HPSE2: variants seen among roughly 807,000 people sequenced by gnomAD.
The protein encoded by HPSE2 is heparanase 2 (inactive), also known as inactive heparanase-2.
Under a neutral mutation model 60.5 loss-of-function variants are expected in HPSE2, and 38 were observed. The ratio of observed to expected loss-of-function variants is 0.63; its 90% CI spans 0.48 to 0.82. HPSE2 has a LOEUF of 0.82. HPSE2 is among the 40% of genes least tolerant of loss of function. HPSE2 has a pLI of 0.00. For missense variants in HPSE2, 713 were observed against 740.4 expected (o/e 0.96, Z 0.43); for synonymous variants, 295 against 293.2 (o/e 1.01, Z -0.06).
chr10:98,659,345 A>G (rs1198775264), intron 6 of HPSE2, among the ~76,000 whole-genome samples: 1 of 151,888 alleles, frequency 6.6e-6, no homozygotes, highest in Non-Finnish European at 1.5e-5. Context: ...CATTTGGTTG[A>G]AAAAAAATCC....
At chr10:99,062,543 C>G (rs1164597454) in intron 3 of HPSE2, among the ~76,000 whole-genome samples, 1 of 151,926 alleles carries the variant, frequency 6.6e-6, no homozygotes, top group Admixed American at 6.6e-5. Context: ...CTTGCCATCT[C>G]TCTGTTATCT....
chr10:98,460,215 T>A (rs1383351745), intron 11 of HPSE2, among the ~76,000 whole-genome samples: 2 of 152,244 alleles, frequency 1.3e-5, no homozygotes, highest in Middle Eastern at 3.2e-3. Flanking sequence ...AGAAATCTAT[T>A]TAACTCATAT....
intron 3 of HPSE2, among the ~76,000 whole-genome samples, chr10:98,867,533 T>C (rs746887888): frequency 3.3e-5 from 5 of 152,136 alleles, no homozygotes; most frequent in Non-Finnish European, 5.9e-5. Flanking sequence ...AGGGAACTTG[T>C]ACACTATTGG....
At chr10:99,275,168 A>C in the HPSE2 span, among the ~76,000 whole-genome samples, 13 of 152,252 alleles carry the variant, frequency 8.5e-5, no homozygotes, top group Non-Finnish European at 1.8e-4. Context: ...ATCTGGGAAG[A>C]GAAAAAAGGT....
At chr10:98,483,859 G>A (rs1405513411) in intron 10 of HPSE2, among the ~76,000 whole-genome samples, 2 of 152,124 alleles carry the variant, frequency 1.3e-5, no homozygotes. Flanking sequence ...GGAGATTTGG[G>A]GGCTATTCAT....
At chr10:98,735,153 C>G (rs1274653307) in intron 4 of HPSE2, among the ~76,000 whole-genome samples, 1 of 151,400 alleles carries the variant, frequency 6.6e-6, no homozygotes, top group Non-Finnish European at 1.5e-5. Context: ...ATATCTCTAT[C>G]AGCAGCAAGA....
At chr10:98,488,614 C>T (rs1941528249) in intron 10 of HPSE2, among the ~76,000 whole-genome samples, 1 of 152,220 alleles carries the variant, frequency 6.6e-6, no homozygotes, top group Non-Finnish European at 1.5e-5. Flanking sequence ...AGACCACAGA[C>T]TGATATGCTT....
intron 5 of HPSE2, among the ~76,000 whole-genome samples, chr10:98,714,656 A>G (rs1179725417): frequency 3.9e-5 from 6 of 151,916 alleles, no homozygotes; most frequent in African/African-American, 1.4e-4. Context: ...GCTGCTATGA[A>G]TATTTGCGTA....
In HPSE2 at chr10:98,733,024, T is replaced by TA. The variant is rs367552324; in HGVS notation, c.784+10858dup. On this transcript the variant is annotated intron_variant, in intron 4 of 11. Coordinates refer to ENST00000370552, the MANE Select transcript of HPSE2 (RefSeq NM_021828.5). ...TACATGAAAAGGTGCCCAACAACAT[T>TA]AGTCACTAGGGAAGAGCAACTGTTT... Among the ~76,000 whole-genome samples the TA allele has an allele frequency of 5.8e-3, 878 of 152,290 alleles. 5 individuals carry two copies. Among genetic ancestry groups the TA allele is most frequent in the African/African-American group, 0.02 (832 of 41,552 alleles).
chr10:99,247,306 G>C, the HPSE2 span, among the ~76,000 whole-genome samples: 1 of 152,220 alleles, frequency 6.6e-6, no homozygotes, highest in South Asian at 2.1e-4. Flanking sequence ...ATCTTAGTAA[G>C]GCAGTTTACT....
At chr10:98,767,110 T>C (rs1013826577) in intron 3 of HPSE2, among the ~76,000 whole-genome samples, 1 of 152,210 alleles carries the variant, frequency 6.6e-6, no homozygotes, top group Non-Finnish European at 1.5e-5. Flanking sequence ...GTTTGATAAA[T>C]GGCATCTACA....
intron 9 of HPSE2, among the ~76,000 whole-genome samples, chr10:98,586,703 C>T (rs141101387): frequency 1.8e-4 from 27 of 152,302 alleles, no homozygotes; most frequent in Admixed American, 1.6e-3. Flanking sequence ...CTGAAACTTC[C>T]TCTTAGACTT....
At chr10:99,265,330 C>T in the HPSE2 span, among the ~76,000 whole-genome samples, 1 of 152,192 alleles carries the variant, frequency 6.6e-6, no homozygotes. Context: ...AATATACAGC[C>T]TTGTTGCTCA....
chr10:98,798,586 GAAGTTA>G (rs1950833701), intron 3 of HPSE2, among the ~76,000 whole-genome samples: 1 of 152,144 alleles, frequency 6.6e-6, no homozygotes, highest in African/African-American at 2.4e-5. Context: ...TTGAGGGGAT[GAAGTTA>G]AAGTATAGAG....
the HPSE2 span, among the ~76,000 whole-genome samples, chr10:99,255,243 T>C: frequency 6.6e-6 from 1 of 152,190 alleles, no homozygotes; most frequent in Non-Finnish European, 1.5e-5. Context: ...TTTGTTTATT[T>C]TAAATTTGTG....
At chr10:99,044,490 A>G (rs1957810934) in intron 3 of HPSE2, among the ~76,000 whole-genome samples, 2 of 152,224 alleles carry the variant, frequency 1.3e-5, no homozygotes, top group African/African-American at 4.8e-5. Flanking sequence ...TGGCAGAATC[A>G]AAATCTCACA....
At chr10:99,311,971 A>T in the HPSE2 span, among the ~76,000 whole-genome samples, 1 of 152,352 alleles carries the variant, frequency 6.6e-6, no homozygotes, top group South Asian at 2.1e-4. Context: ...TAGAAGATCA[A>T]CCCAGTCATA....
At chr10:99,070,254 T>C (rs780148391) in intron 3 of HPSE2, among the ~76,000 whole-genome samples, 2 of 152,158 alleles carry the variant, frequency 1.3e-5, no homozygotes, top group African/African-American at 2.4e-5. Context: ...TATGAAGAAC[T>C]CTCAAAACTC....
At chr10:99,300,119 A>T in the HPSE2 span, among the ~76,000 whole-genome samples, 1 of 151,840 alleles carries the variant, frequency 6.6e-6, no homozygotes, top group African/African-American at 2.4e-5. Context: ...TGTCAAGGAA[A>T]TGTCATGAGA....
Sources: allele counts gnomAD v4.1 joint callset (sites outside exome capture counted in the v4.1 genomes callset), GRCh38; gene constraint gnomAD v4.1.1; transcripts MANE v1.5; gene names NCBI Gene and HGNC (gene_info 2026-07-23, HGNC 2026-07-21).